The following RANBP9 variants were observed in gnomAD, a reference collection of about 807,000 sequenced individuals.
RANBP9 encodes RAN binding protein 9.
A neutral mutation model predicts 84.3 loss-of-function variants in RANBP9; 15 were observed. That is an observed-to-expected ratio of 0.18 (90% CI 0.12 to 0.27). The LOEUF (loss-of-function observed/expected upper bound fraction) is 0.27. Ranked by LOEUF, RANBP9 falls within the 10% of genes least tolerant of loss-of-function variation. The pLI is 1.00. For missense variants in RANBP9, 809 were observed against 912.8 expected, an observed-to-expected ratio of 0.89 and a Z score of 1.46; for synonymous variants, 392 against 349.6, an observed-to-expected ratio of 1.12 and a Z score of -1.35.
intron 2 of RANBP9, among the ~76,000 whole-genome samples, chr6:13,660,271 G>A (rs539894773): frequency 2.6e-3 from 397 of 152,302 alleles, no homozygotes; most frequent in Non-Finnish European, 4.1e-3. Context: ...CACTTTCAGA[G>A]ACTGAAGCAG....
At chr6:13,674,475 T>C (rs1765844304) in intron 2 of RANBP9, among the ~76,000 whole-genome samples, 1 of 152,196 alleles carries the variant, frequency 6.6e-6, no homozygotes, top group Admixed American at 6.5e-5. Context: ...CAATCCTTAA[T>C]TGTCAAGGGT....
chr6:13,711,575 T>G lies in RANBP9; in HGVS notation c.-70A>C. On this transcript the variant is annotated 5_prime_UTR_variant, in exon 1 of 14. Coordinates refer to ENST00000011619, the MANE Select transcript of RANBP9 (RefSeq NM_005493.3). ...TTCCTCCTCTGCTTCCCGGGGGCGC[T>G]GTCGCTGCGGCCGCCGGCACCAGGC... 8.2e-7 allele frequency: 1 copy of G among 1,213,232 alleles called. No homozygotes were observed. Among genetic ancestry groups the G allele is most frequent in the Non-Finnish European group, 1.0e-6 (1 of 968,424 alleles). The allele number at this position is 1,213,232 out of a possible 1,614,324, so 75.2% of individuals were successfully genotyped here.
chr6:13,632,265 C>T, intron 12 of RANBP9, 105 bp downstream of exon 12: 1 of 1,175,092 alleles, frequency 8.5e-7, no homozygotes, highest in Non-Finnish European at 1.2e-6. Context: ...AAGGTCAGGT[C>T]CCAGTTCCCT....
At chr6:13,703,626 T>C (rs532403418) in intron 1 of RANBP9, among the ~76,000 whole-genome samples, 19 of 152,180 alleles carry the variant, frequency 1.2e-4, no homozygotes, top group Non-Finnish European at 2.2e-4. Context: ...CTAAGAATCA[T>C]AGCAATTAGC....
chr6:13,677,299 A>G (rs1322465855), intron 2 of RANBP9, among the ~76,000 whole-genome samples: 1 of 152,206 alleles, frequency 6.6e-6, no homozygotes, highest in East Asian at 1.9e-4. Flanking sequence ...ACAAATATTG[A>G]CAAAATTGAT....
intron 2 of RANBP9, among the ~76,000 whole-genome samples, chr6:13,665,653 T>C (rs554496111): frequency 7.2e-5 from 11 of 152,284 alleles, no homozygotes; most frequent in Non-Finnish European, 1.5e-4. Flanking sequence ...AAGATGTGTC[T>C]ACCAAAAAAA....
chr6:13,647,095 A>C (rs1350157748), intron 5 of RANBP9, among the ~76,000 whole-genome samples: 3 of 152,224 alleles, frequency 2.0e-5, no homozygotes, highest in African/African-American at 4.8e-5. Context: ...AACTGACATA[A>C]TCTTTTAACA....
At chr6:13,632,118 C>CTTTTTTTTTTTTTTTTTTTT (rs752500098) in intron 12 of RANBP9, among the ~76,000 whole-genome samples, 1 of 74,922 alleles carries the variant, frequency 1.3e-5, no homozygotes, top group Non-Finnish European at 2.6e-5. Flanking sequence ...GGATTTAATC[C>CTTTTTTTTTTTTTTTTTTTT]TTTTTTTTTT....
intron 1 of RANBP9, 64 bp downstream of exon 1, chr6:13,710,871 C>T: frequency 2.0e-6 from 3 of 1,499,300 alleles, no homozygotes; most frequent in East Asian, 2.6e-5. Flanking sequence ...TCGAGAGCGG[C>T]GCAGCGGCGG....
chr6:13,682,467 T>A (rs76360647), intron 2 of RANBP9, among the ~76,000 whole-genome samples: 1 of 151,892 alleles, frequency 6.6e-6, no homozygotes, highest in South Asian at 2.1e-4. Context: ...TTTTTTTTTT[T>A]AATTGATGGA....
chr6:13,673,749 T>C (rs1356236445), intron 2 of RANBP9, among the ~76,000 whole-genome samples: 1 of 152,148 alleles, frequency 6.6e-6, no homozygotes, highest in Non-Finnish European at 1.5e-5. Flanking sequence ...ACAATTAGTA[T>C]TTTATACAGA....
At chr6:13,642,051 G>T (rs1183361215) in intron 7 of RANBP9, among the ~76,000 whole-genome samples, 1 of 152,148 alleles carries the variant, frequency 6.6e-6, no homozygotes, top group African/African-American at 2.4e-5. Flanking sequence ...ACAGAGGCCA[G>T]CACTAGGATC....
intron 1 of RANBP9, 62 bp from the exon 2 acceptor site, chr6:13,696,958 T>C: frequency 7.3e-7 from 1 of 1,362,082 alleles, no homozygotes; most frequent in Admixed American, 1.9e-5. Context: ...GATGAAAACC[T>C]TAAACAATTC....
intron 2 of RANBP9, among the ~76,000 whole-genome samples, chr6:13,677,636 C>T (rs1374287359): frequency 3.9e-5 from 6 of 152,162 alleles, no homozygotes; most frequent in Non-Finnish European, 7.4e-5. Flanking sequence ...ACTCAGGGCA[C>T]TTGTCTATAA....
At chr6:13,668,198 A>G (rs564420048) in intron 2 of RANBP9, among the ~76,000 whole-genome samples, 62 of 152,268 alleles carry the variant, frequency 4.1e-4, no homozygotes, top group African/African-American at 1.4e-3. Flanking sequence ...CCTCCTTTAA[A>G]TGGACAAATT....
At chr6:13,659,145 A>C (rs1458052847) in intron 2 of RANBP9, among the ~76,000 whole-genome samples, 3 of 152,044 alleles carry the variant, frequency 2.0e-5, no homozygotes, top group Non-Finnish European at 4.4e-5. Context: ...TTTGGGATTA[A>C]GATTTCTCAC....
intron 1 of RANBP9, among the ~76,000 whole-genome samples, chr6:13,705,405 T>C (rs1331959062): frequency 4.7e-5 from 1 of 21,306 alleles, no homozygotes; most frequent in Non-Finnish European, 8.0e-5. Context: ...AGATTCTGTC[T>C]CAAAAAAAAA....
At position 13,708,613 on chromosome 6, in the gene RANBP9, C is replaced by A. The variant is rs536794222; in HGVS notation, c.571+2322G>T. 2.6e-5 allele frequency among the ~76,000 whole-genome samples: 4 copies of A among 152,260 alleles called. No individual in the cohort carries two copies. In the South Asian group the frequency reaches 8.3e-4, roughly 32 times the overall value. ...TAGTAGTTTTTACTGTTAAAAGTGT[C>A]TCATGATACTTAGGTAAAACCAATG... is the stretch of plus-strand genomic sequence containing the variant. On this transcript the variant is annotated intron_variant, in intron 1 of 13. Transcript: ENST00000011619.
chr6:13,635,617 G>T, intron 10 of RANBP9, among the ~76,000 whole-genome samples: 1 of 146,672 alleles, frequency 6.8e-6, no homozygotes, highest in Admixed American at 6.7e-5. Context: ...AATTGTTAAG[G>T]TAAAAAAAAA....
Sources: allele counts gnomAD v4.1 joint callset (sites outside exome capture counted in the v4.1 genomes callset), GRCh38; gene constraint gnomAD v4.1.1; transcripts MANE v1.5; gene names NCBI Gene and HGNC (gene_info 2026-07-23, HGNC 2026-07-21).